The following CYP4X1 variants were observed in gnomAD, a reference collection of about 807,000 sequenced individuals.
The protein encoded by CYP4X1 is cytochrome P450 family 4 subfamily X member 1.
Under a neutral mutation model 57.9 loss-of-function variants are expected in CYP4X1, and 44 were observed. The observed-to-expected ratio is 0.76, with a 90% CI of 0.60 to 0.98. The LOEUF (loss-of-function observed/expected upper bound fraction) is 0.98. Ranked by LOEUF, CYP4X1 falls within the 50% of genes least tolerant of loss-of-function variation. The probability of loss-of-function intolerance (pLI) is 0.00; values close to 1 mark genes in which losing one functional copy is unlikely to be tolerated. For missense variants in CYP4X1, 532 were observed against 623.9 expected (o/e 0.85, Z 1.57); for synonymous variants, 227 against 228.6 (o/e 0.99, Z 0.06).
At chr1:47,024,183 G>A (rs1249271601) in intron 1 of CYP4X1, among the ~76,000 whole-genome samples, 189 bp downstream of exon 1, 1 of 152,182 alleles carries the variant, frequency 6.6e-6, no homozygotes, top group African/African-American at 2.4e-5. Flanking sequence ...CTTTCCCGCA[G>A]CCCCACAGGG....
chr1:47,045,007 T>C (rs1188075016), intron 8 of CYP4X1, among the ~76,000 whole-genome samples: 2 of 152,102 alleles, frequency 1.3e-5, no homozygotes, highest in Admixed American at 6.6e-5. Context: ...GCATTTTTAG[T>C]AGAGACGGGG....
chr1:47,053,213 C>T (rs563082966), downstream of CYP4X1, among the ~76,000 whole-genome samples: 1 of 152,156 alleles, frequency 6.6e-6, no homozygotes, highest in Non-Finnish European at 1.5e-5. Context: ...TGATGGTTTC[C>T]AGCTTCATCC....
At position 47,048,662 on chromosome 1, in the gene CYP4X1, A is replaced by G. The variant is rs369515575; in HGVS notation, c.1272+33A>G. The G allele has an allele frequency of 1.5e-5, 24 of 1,591,662 alleles. 1 individual carries two copies. The highest frequency in any genetic ancestry group is 2.0e-5 in the Non-Finnish European group (23 of 1,170,260). On this transcript the variant is annotated intron_variant, in intron 10 of 11. Transcript: ENST00000371901. ...TCTCTCTTGTACATAAATACTTCCA[A>G]GAACTAATGCTGTGCAAGTCACTTT...
the CYP4X1 span, among the ~76,000 whole-genome samples, chr1:46,964,063 C>T: frequency 2.0e-5 from 3 of 152,322 alleles, no homozygotes; most frequent in Admixed American, 6.5e-5. Flanking sequence ...GCATTCATCA[C>T]GTAGTTCTCG....
At chr1:47,002,158 G>A in the CYP4X1 span, among the ~76,000 whole-genome samples, 1 of 152,212 alleles carries the variant, frequency 6.6e-6, no homozygotes, top group African/African-American at 2.4e-5. Flanking sequence ...AGCATAGGAT[G>A]TATTTCTGTA....
At chr1:47,020,554 C>T (rs1282420614), upstream of CYP4X1, among the ~76,000 whole-genome samples, 1 of 152,192 alleles carries the variant, frequency 6.6e-6, no homozygotes, top group Non-Finnish European at 1.5e-5. Flanking sequence ...CCCTTGTCTC[C>T]CCAGTGCATT....
chr1:47,016,072 A>G, the CYP4X1 span, among the ~76,000 whole-genome samples: 1 of 152,022 alleles, frequency 6.6e-6, no homozygotes, highest in Non-Finnish European at 1.5e-5. Flanking sequence ...TTCATTGTCC[A>G]CTTGCTTTGT....
At chr1:46,973,110 A>ATATC in the CYP4X1 span, among the ~76,000 whole-genome samples, 1 of 151,898 alleles carries the variant, frequency 6.6e-6, no homozygotes, top group Non-Finnish European at 1.5e-5. Flanking sequence ...TGTACCTTTG[A>ATATC]TATCTAGTCT....
At chr1:46,977,950 T>A in the CYP4X1 span, among the ~76,000 whole-genome samples, 1 of 152,108 alleles carries the variant, frequency 6.6e-6, no homozygotes, top group Non-Finnish European at 1.5e-5. Context: ...CCACCAGGAC[T>A]GCCTTACAAG....
At chr1:47,015,890 C>T in the CYP4X1 span, among the ~76,000 whole-genome samples, 1 of 152,196 alleles carries the variant, frequency 6.6e-6, no homozygotes, top group African/African-American at 2.4e-5. Context: ...CTCTTAGAAT[C>T]TTCTATCCTT....
the CYP4X1 span, among the ~76,000 whole-genome samples, chr1:46,966,475 G>A: frequency 2.6e-5 from 4 of 152,220 alleles, no homozygotes; most frequent in East Asian, 5.8e-4. Flanking sequence ...GGTTTCCTGG[G>A]TGGGGTCGTA....
At chr1:47,006,831 T>C in the CYP4X1 span, among the ~76,000 whole-genome samples, 4 of 152,328 alleles carry the variant, frequency 2.6e-5, no homozygotes, top group East Asian at 5.8e-4. Flanking sequence ...GCCTCGCTCA[T>C]TGCTAGCACA....
chr1:47,012,309 C>A, the CYP4X1 span, among the ~76,000 whole-genome samples: 1 of 152,082 alleles, frequency 6.6e-6, no homozygotes, highest in Non-Finnish European at 1.5e-5. Context: ...ATCACAAGGA[C>A]AGAAAACCAA....
intron 1 of CYP4X1, among the ~76,000 whole-genome samples, chr1:47,027,705 A>G (rs950401322): frequency 2.0e-5 from 3 of 152,204 alleles, no homozygotes; most frequent in Non-Finnish European, 4.4e-5. Flanking sequence ...CAGGTCTTCA[A>G]ACATGCCAAG....
At chr1:47,029,906 A>T (rs779968128) in intron 1 of CYP4X1, 84 bp from the exon 2 acceptor site, 12 of 1,492,296 alleles carry the variant, frequency 8.0e-6, no homozygotes, top group Non-Finnish European at 1.1e-5. Flanking sequence ...GTGTGACCTT[A>T]TCAGGTCCTG....
chr1:46,989,635 A>G, the CYP4X1 span, among the ~76,000 whole-genome samples: 1 of 152,118 alleles, frequency 6.6e-6, no homozygotes, highest in African/African-American at 2.4e-5. Flanking sequence ...GCATCACACT[A>G]TTTGACTTCA....
chr1:47,017,187 A>G, the CYP4X1 span, among the ~76,000 whole-genome samples: 1 of 152,210 alleles, frequency 6.6e-6, no homozygotes, highest in African/African-American at 2.4e-5. Flanking sequence ...TCTCTTTGAT[A>G]TACTGATTTC....
chr1:46,994,552 C>T, the CYP4X1 span: 2 of 155,522 alleles, frequency 1.3e-5, no homozygotes, highest in African/African-American at 2.4e-5. Flanking sequence ...CCCTGACTGC[C>T]CCTGACTATC....
chr1:47,030,385 C>A (rs1327369423), intron 2 of CYP4X1, among the ~76,000 whole-genome samples: 2 of 152,124 alleles, frequency 1.3e-5, no homozygotes, highest in Non-Finnish European at 2.9e-5. Context: ...ACCAGACTTG[C>A]CAGGCAAGGC....
Sources: gnomAD v4.1 joint callset for allele counts (sites outside exome capture counted in the v4.1 genomes callset) on GRCh38, gnomAD v4.1.1 for gene constraint, MANE v1.5 for transcripts, NCBI Gene and HGNC (gene_info 2026-07-23, HGNC 2026-07-21) for gene names.